The following AGBL4 variants were observed in gnomAD, a reference collection of about 807,000 sequenced individuals.
AGBL4 encodes AGBL carboxypeptidase 4.
A neutral mutation model predicts 66.4 loss-of-function variants in AGBL4; 58 were observed. The ratio of observed to expected loss-of-function variants is 0.87; its 90% CI spans 0.71 to 1.09. AGBL4 has a LOEUF of 1.09. Ranked by LOEUF, AGBL4 falls within the 50% of genes least tolerant of loss-of-function variation. The pLI, the probability that AGBL4 is intolerant of heterozygous loss-of-function variation, is 0.00. For synonymous variants in AGBL4, 234 were observed against 222.9 expected, an observed-to-expected ratio of 1.05 and a Z score of -0.44; for missense variants, 579 against 631.0, an observed-to-expected ratio of 0.92 and a Z score of 0.88.
intron 5 of AGBL4, among the ~76,000 whole-genome samples, chr1:49,009,555 G>A (rs1157659409): frequency 2.0e-5 from 3 of 152,042 alleles, no homozygotes; most frequent in Admixed American, 2.0e-4. Context: ...TGATACCAAA[G>A]CCTGGCAGAG....
intron 4 of AGBL4, among the ~76,000 whole-genome samples, chr1:49,232,921 TATG>T (rs1353494256): frequency 1.3e-5 from 2 of 152,214 alleles, no homozygotes; most frequent in Admixed American, 6.5e-5. Context: ...TAAATGTATA[TATG>T]ATATTTAGCT....
chr1:48,780,758 A>G (rs758072317), intron 6 of AGBL4, among the ~76,000 whole-genome samples: 1 of 152,192 alleles, frequency 6.6e-6, no homozygotes, highest in Non-Finnish European at 1.5e-5. Flanking sequence ...CCCTCCTTAC[A>G]CCTTATACAA....
the AGBL4 span, among the ~76,000 whole-genome samples, chr1:48,525,935 G>GC: frequency 6.6e-6 from 1 of 152,136 alleles, no homozygotes; most frequent in Non-Finnish European, 1.5e-5. Context: ...AAGGAGCTGG[G>GC]CGTCCTTTGC....
intron 3 of AGBL4, among the ~76,000 whole-genome samples, chr1:49,266,674 A>G (rs1386997051): frequency 6.6e-6 from 1 of 151,842 alleles, no homozygotes; most frequent in African/African-American, 2.4e-5. Context: ...GGAGAGGTGA[A>G]TTTTTGCTGA....
intron 3 of AGBL4, among the ~76,000 whole-genome samples, chr1:49,446,231 C>T (rs138783655): frequency 1.1e-3 from 160 of 152,274 alleles, no homozygotes; most frequent in African/African-American, 3.6e-3. Flanking sequence ...TACATTCCTT[C>T]GGCAGTGTCA....
chr1:49,076,895 G>T (rs1021130957), intron 4 of AGBL4, among the ~76,000 whole-genome samples: 2 of 152,120 alleles, frequency 1.3e-5, no homozygotes, highest in African/African-American at 4.8e-5. Context: ...TAGTCAACAA[G>T]CACCAGTCAT....
chr1:49,183,070 C>T (rs2148189985), intron 4 of AGBL4, among the ~76,000 whole-genome samples: 1 of 152,218 alleles, frequency 6.6e-6, no homozygotes. Flanking sequence ...TGTCAAATTC[C>T]TGCTCTTAAA....
chr1:48,751,935 A>AG (rs1383137696), intron 6 of AGBL4, among the ~76,000 whole-genome samples: 3 of 152,188 alleles, frequency 2.0e-5, no homozygotes, highest in African/African-American at 4.8e-5. Flanking sequence ...AACTGTGGCT[A>AG]CTTCTGATTT....
intron 5 of AGBL4, among the ~76,000 whole-genome samples, chr1:48,915,077 T>C (rs1293223881): frequency 6.6e-6 from 1 of 152,224 alleles, no homozygotes; most frequent in Non-Finnish European, 1.5e-5. Flanking sequence ...GTTTTACTTA[T>C]TTGTTATTTA....
At position 49,055,530 on chromosome 1, in the gene AGBL4, T is replaced by G. The variant is rs1644293267; in HGVS notation, c.378-9730A>C. ...GAATGCATCAACAGTTTCAAACTTATTCATCATAATATATAACTCTAAGAA... is the reference window on the plus strand; with the variant it reads ...GAATGCATCAACAGTTTCAAACTTAGTCATCATAATATATAACTCTAAGAA... On this transcript the variant is annotated intron_variant, in intron 4 of 13. Coordinates refer to ENST00000371839, the MANE Select transcript of AGBL4 (RefSeq NM_032785.4). Among the ~76,000 whole-genome samples the G allele has an allele frequency of 2.6e-5, 4 of 152,004 alleles. No homozygotes were observed. In the South Asian group the frequency reaches 8.3e-4, roughly 32 times the overall value.
intron 2 of AGBL4, among the ~76,000 whole-genome samples, chr1:49,704,803 C>T (rs1373556477): frequency 1.3e-5 from 2 of 152,120 alleles, no homozygotes; most frequent in East Asian, 3.9e-4. Context: ...TGTGTTGGTA[C>T]CAGTACCATG....
intron 2 of AGBL4, among the ~76,000 whole-genome samples, chr1:49,711,534 A>C (rs1016094975): frequency 6.6e-6 from 1 of 152,108 alleles, no homozygotes; most frequent in Non-Finnish European, 1.5e-5. Flanking sequence ...ATTCACATTT[A>C]TGGATAGAAA....
At chr1:49,863,247 A>C (rs1004918213) in intron 1 of AGBL4, among the ~76,000 whole-genome samples, 4 of 152,184 alleles carry the variant, frequency 2.6e-5, no homozygotes, top group African/African-American at 9.7e-5. Context: ...TGGAAAATGA[A>C]TCTAGACCCC....
intron 1 of AGBL4, among the ~76,000 whole-genome samples, chr1:49,852,227 G>A (rs1475230915): frequency 1.3e-5 from 2 of 152,038 alleles, no homozygotes; most frequent in Non-Finnish European, 2.9e-5. Context: ...ATCCAATATC[G>A]AAGGAAAGTC....
chr1:49,861,436 C>T (rs1228686727), intron 1 of AGBL4, among the ~76,000 whole-genome samples: 1 of 152,044 alleles, frequency 6.6e-6, no homozygotes, highest in Admixed American at 6.6e-5. Context: ...TGGACACCAG[C>T]TCAGCCACAG....
Position 49,019,342 on chromosome 1 carries a change from A to G in AGBL4, c.594+26242T>C, listed in dbSNP as rs1663068836. ...TCATCCTCCCCACATGGACATCAGT[A>G]GGAGGAGGCCCCACCTCAAGGAAAG... On this transcript the variant is annotated intron_variant, in intron 5 of 13. Coordinates refer to ENST00000371839, the MANE Select transcript of AGBL4 (RefSeq NM_032785.4). Among the ~76,000 whole-genome samples, 12 of 152,312 alleles carry G rather than the reference A, an allele frequency of 7.9e-5. No homozygotes were observed. In the South Asian group the frequency reaches 2.5e-3, roughly 32 times the overall value.
At chr1:49,683,137 T>A (rs1438462802) in intron 3 of AGBL4, among the ~76,000 whole-genome samples, 2 of 151,874 alleles carry the variant, frequency 1.3e-5, no homozygotes, top group African/African-American at 4.8e-5. Context: ...CATTTTCAAT[T>A]AAAAAAAACA....
At chr1:48,821,520 C>T (rs1646312716) in intron 6 of AGBL4, among the ~76,000 whole-genome samples, 1 of 152,100 alleles carries the variant, frequency 6.6e-6, no homozygotes, top group South Asian at 2.1e-4. Flanking sequence ...CATGTTTTCA[C>T]TTACAAATGG....
intron 4 of AGBL4, among the ~76,000 whole-genome samples, chr1:49,166,493 T>G (rs1249279976): frequency 6.6e-6 from 1 of 152,130 alleles, no homozygotes; most frequent in Admixed American, 6.6e-5. Context: ...TAACCGAGTC[T>G]CCCGGAACTC....
Sources: allele counts gnomAD v4.1 joint callset (sites outside exome capture counted in the v4.1 genomes callset), GRCh38; gene constraint gnomAD v4.1.1; transcripts MANE v1.5; gene names NCBI Gene and HGNC (gene_info 2026-07-23, HGNC 2026-07-21).